Variants in PCDHGB2 observed in about 807,000 individuals in gnomAD.
The protein encoded by PCDHGB2 is protocadherin gamma subfamily B, 2, also known as protocadherin gamma-B2.
PCDHGB2 carries 55 observed loss-of-function variants against 59.3 expected under a neutral mutation model. The observed-to-expected ratio is 0.93, with a 90% confidence interval of 0.75 to 1.16. The LOEUF is 1.16. Among genes scored for constraint, PCDHGB2 ranks in the 50% most tolerant of loss-of-function variants. PCDHGB2 has a pLI of 0.00. For synonymous variants in PCDHGB2, 516 were observed against 512.0 expected (o/e 1.01, Z -0.11); for missense variants, 1,228 against 1,198.5 (o/e 1.02, Z -0.36).
Position 141,393,770 on chromosome 5 carries a change from A to G in PCDHGB2, c.2421+31214A>G, listed in dbSNP as rs372280460. 83 of 1,613,864 alleles carry G rather than the reference A, an allele frequency of 5.1e-5. 1 individual carries two copies. Among genetic ancestry groups the G allele is most frequent in the Middle Eastern group, 1.6e-4 (1 of 6,084 alleles). On this transcript the variant is annotated intron_variant, in intron 1 of 3. Transcript: ENST00000522605. ...AATGTTCATTTTATGAAATGGAAAT[A>G]CAAGCCGAAGATGTGGGGGCACTTC... is the stretch of plus-strand genomic sequence containing the variant.
intron 1 of PCDHGB2, chr5:141,419,502 T>C: frequency 6.2e-7 from 1 of 1,612,388 alleles, no homozygotes; most frequent in Admixed American, 1.7e-5. Context: ...AATGTGAGCC[T>C]GCGCGTGTTG....
intron 1 of PCDHGB2, chr5:141,385,092 C>T (rs778613931): frequency 1.9e-6 from 3 of 1,614,210 alleles, no homozygotes; most frequent in Admixed American, 3.3e-5. Context: ...CAGAAGGTGG[C>T]TTGGCGAACG....
At chr5:141,456,504 T>G (rs781368588) in intron 1 of PCDHGB2, among the ~76,000 whole-genome samples, 1 of 152,148 alleles carries the variant, frequency 6.6e-6, no homozygotes, top group Non-Finnish European at 1.5e-5. Context: ...GGTTAACCAA[T>G]TCCATAAAGA....
Position 141,360,365 on chromosome 5 carries a change from T to C in PCDHGB2, c.230T>C (p.Val77Ala). 1 of 1,613,840 alleles carries C rather than the reference T, an allele frequency of 6.2e-7. No homozygotes were observed. The highest frequency in any genetic ancestry group is 8.5e-7 in the Non-Finnish European group (1 of 1,179,800). Residue 77 changes from valine to alanine, a missense_variant, in exon 1 of 4, where the codon GTA becomes GCA. By Grantham distance (64) the Val-to-Ala change is moderately conservative. Transcript: ENST00000522605. Reference sequence around the variant, plus strand: ...AGCGCGGAGAAGGAATATTTCACAGTAAACCCAGAAAGCGGAGACTTACTT... The same window carrying C: ...AGCGCGGAGAAGGAATATTTCACAGCAAACCCAGAAAGCGGAGACTTACTT... ...RVSAEKEYFT[V>A]NPESGDLLVS...
intron 1 of PCDHGB2, chr5:141,393,430 C>A: frequency 6.2e-7 from 1 of 1,614,040 alleles, no homozygotes. Flanking sequence ...GAGGAAGAGG[C>A]TGCTCACCAC....
intron 1 of PCDHGB2, among the ~76,000 whole-genome samples, chr5:141,380,089 G>A (rs1333618493): frequency 6.6e-6 from 1 of 151,698 alleles, no homozygotes; most frequent in Non-Finnish European, 1.5e-5. Flanking sequence ...TAGTAGAGAT[G>A]GGGTTTTACC....
intron 1 of PCDHGB2, among the ~76,000 whole-genome samples, chr5:141,433,789 A>G (rs1388423731): frequency 6.7e-6 from 1 of 148,972 alleles, no homozygotes; most frequent in Non-Finnish European, 1.5e-5. Flanking sequence ...ATGAGCTGAG[A>G]TTGTGCCATT....
In PCDHGB2 at chr5:141,432,006, C is replaced by T. The variant is rs138689793; in HGVS notation, c.2422-62801C>T. Reference sequence around the variant, plus strand: ...ATAGTCTTGGATAGGGAACAGGTTCCTAGCTACAACATCACAGTGACCGCC... The same window carrying T: ...ATAGTCTTGGATAGGGAACAGGTTCTTAGCTACAACATCACAGTGACCGCC... On this transcript the variant is annotated intron_variant, in intron 1 of 3. Transcript: ENST00000522605. This position sits in a 1 kb window ranked among gnomAD's most constrained non-coding sequence, Gnocchi z 6.0. The T allele has an allele frequency of 2.6e-4, 412 of 1,614,186 alleles. 2 individuals carry two copies. The African/African-American group carries it at 4.6e-3, about 18-fold the overall frequency.
At chr5:141,435,503 A>G (rs2097767522) in intron 1 of PCDHGB2, among the ~76,000 whole-genome samples, 1 of 152,170 alleles carries the variant, frequency 6.6e-6, no homozygotes, top group Non-Finnish European at 1.5e-5. Context: ...TACACTAATG[A>G]TACTAATGAT....
rs1414795207 is a variant in PCDHGB2 at position 141,393,033 on chromosome 5, C to T, written c.2421+30477C>T. On this transcript the variant is annotated intron_variant, in intron 1 of 3. Transcript: ENST00000522605. ...TATCGTCTCCAGAGGTAGGACGCAG[C>T]TCTTTGCTCTGAACCCGCGCAGCGG... is the stretch of plus-strand genomic sequence containing the variant. 4.3e-6 allele frequency: 7 copies of T among 1,613,782 alleles called. No individual in the cohort carries two copies. The highest frequency in any genetic ancestry group is 4.0e-5 in the African/African-American group (3 of 75,052).
At chr5:141,478,016 G>A (rs1204231648) in intron 1 of PCDHGB2, 1 of 1,614,108 alleles carries the variant, frequency 6.2e-7, no homozygotes, top group Non-Finnish European at 8.5e-7. Context: ...TGCCCGTCCA[G>A]TCCAAGACAC....
chr5:141,366,498 G>A, intron 1 of PCDHGB2: 1 of 1,614,246 alleles, frequency 6.2e-7, no homozygotes, highest in Non-Finnish European at 8.5e-7. Flanking sequence ...CACAAGTCAC[G>A]CCTGCTTCAG....
rs1417754081 is a variant in PCDHGB2, at chr5:141,512,046, T to C, written c.*873T>C. 1 of 152,746 alleles carries C rather than the reference T, an allele frequency of 6.5e-6. No individual in the cohort carries two copies. Among genetic ancestry groups the C allele is most frequent in the East Asian group, 1.9e-4 (1 of 5,190 alleles). 9.5% of individuals were successfully genotyped at this position (152,746 alleles called of 1,614,324 possible). Reference sequence around the variant, plus strand: ...GCCTTGGAGGAGGCTCTGTATGTCCTCAGGGGACTGACAACATCCTCCAGA... The same window carrying C: ...GCCTTGGAGGAGGCTCTGTATGTCCCCAGGGGACTGACAACATCCTCCAGA... On this transcript the variant is annotated 3_prime_UTR_variant, in exon 4 of 4. Transcript: ENST00000522605.
At position 141,421,932 on chromosome 5, in the gene PCDHGB2, T is replaced by C. The variant is rs747598404; in HGVS notation, c.2421+59376T>C. On this transcript the variant is annotated intron_variant, in intron 1 of 3. Transcript: ENST00000522605. The stretch of plus-strand genomic sequence containing the variant: ...TTCCCATTCGTGTGGTGGTCCTCGA[T>C]GTAAATGATCACATCCCAATGTTTA... 3 of 1,613,588 alleles carry C rather than the reference T, an allele frequency of 1.9e-6. No individual in the cohort carries two copies. The East Asian group carries it at 6.7e-5, about 36-fold the overall frequency.
rs187488785 is a variant in PCDHGB2 at position 141,461,744 on chromosome 5, C to T, written c.2422-33063C>T. 5.9e-5 allele frequency among the ~76,000 whole-genome samples: 9 copies of T among 152,302 alleles called. No individual in the cohort carries two copies. The East Asian group carries it at 1.7e-3, about 29-fold the overall frequency. On this transcript the variant is annotated intron_variant, in intron 1 of 3. Transcript: ENST00000522605. ...GGAGTGCAGTGGCACAATCCCGGCT[C>T]CCAGATTCAAGCGATTCTCCTGCCT...
At position 141,487,736 on chromosome 5, in the gene PCDHGB2, G is replaced by C; in HGVS notation, c.2422-7071G>C. On this transcript the variant is annotated intron_variant, in intron 1 of 3. Transcript: ENST00000522605. The surrounding 1 kb of genome is among the most constrained non-coding windows in gnomAD (Gnocchi z 5.0). Reference sequence around the variant, plus strand: ...TGCCCATAGTGATGTCACCATTTTTGTAAGAGGTAACTATGTGGTAGACGC... The same window carrying C: ...TGCCCATAGTGATGTCACCATTTTTCTAAGAGGTAACTATGTGGTAGACGC... 1 of 1,563,758 alleles carries C rather than the reference G, an allele frequency of 6.4e-7. No homozygotes were observed.
intron 1 of PCDHGB2, chr5:141,424,504 GT>G (rs892941709): frequency 6.6e-6 from 1 of 152,016 alleles, no homozygotes; most frequent in Non-Finnish European, 1.5e-5. Context: ...TGTATGGAAG[GT>G]TTTTTAATGT....
At chr5:141,424,080 C>T (rs2096798143) in intron 1 of PCDHGB2, 1 of 970,378 alleles carries the variant, frequency 1.0e-6, no homozygotes, top group Admixed American at 6.0e-5. Context: ...AGTTATATTC[C>T]ACCATTATTT....
rs765397942 is a variant in PCDHGB2, at chr5:141,371,419, A to G, written c.2421+8863A>G. On this transcript the variant is annotated intron_variant, in intron 1 of 3. Transcript: ENST00000522605. ...CAGATAGATATTTCAGATGAAAATG[A>G]CAATGCCCCGGAGATAACCCTGGCT... The G allele has an allele frequency of 3.1e-6, 5 of 1,613,904 alleles. No individual in the cohort carries two copies. The African/African-American group carries it at 6.7e-5, about 22-fold the overall frequency.
Sources: gnomAD v4.1 joint callset for allele counts (sites outside exome capture counted in the v4.1 genomes callset) on GRCh38, gnomAD v4.1.1 for gene constraint, Gnocchi (gnomAD v3.1) non-coding constraint, MANE v1.5 for transcripts, NCBI Gene and HGNC (gene_info 2026-07-23, HGNC 2026-07-21) for gene names.